DYM: variants seen among roughly 807,000 people sequenced by gnomAD.
DYM encodes the protein dyggve-Melchior-Clausen syndrome protein.
A neutral mutation model predicts 93.1 loss-of-function variants in DYM; 78 were observed. That is an observed-to-expected ratio of 0.84 (90% CI 0.70 to 1.01). The LOEUF is 1.01. Ranked by LOEUF, DYM falls within the 50% of genes least tolerant of loss-of-function variation. The probability of loss-of-function intolerance (pLI) is 0.00; values close to 1 mark genes in which losing one functional copy is unlikely to be tolerated. For synonymous variants in DYM, 321 were observed against 319.7 expected (o/e 1.00, Z -0.04); for missense variants, 789 against 845.0 (o/e 0.93, Z 0.82).
chr18:49,141,739 A>G (rs1397089430), intron 15 of DYM, among the ~76,000 whole-genome samples: 1 of 152,204 alleles, frequency 6.6e-6, no homozygotes, highest in Non-Finnish European at 1.5e-5. Flanking sequence ...TTTAATTGCT[A>G]AATGATGTTT....
At chr18:49,174,117 T>C (rs1283094877) in intron 14 of DYM, among the ~76,000 whole-genome samples, 1 of 152,182 alleles carries the variant, frequency 6.6e-6, no homozygotes, top group African/African-American at 2.4e-5. Context: ...GATGATCATA[T>C]AGTTTTCTTT....
At chr18:49,296,165 G>A (rs1358940886) in intron 8 of DYM, among the ~76,000 whole-genome samples, 1 of 152,168 alleles carries the variant, frequency 6.6e-6, no homozygotes, top group African/African-American at 2.4e-5. Flanking sequence ...CTGGCCTCAG[G>A]TGATCTGCCC....
intron 17 of DYM, among the ~76,000 whole-genome samples, chr18:49,090,492 A>C (rs1323535586): frequency 6.6e-6 from 1 of 152,258 alleles, no homozygotes; most frequent in Admixed American, 6.5e-5. Flanking sequence ...AGTAGCTATA[A>C]GCTAGAAGCA....
intron 17 of DYM, among the ~76,000 whole-genome samples, chr18:49,055,203 G>C (rs958621970): frequency 2.6e-5 from 4 of 152,128 alleles, no homozygotes; most frequent in African/African-American, 9.7e-5. Flanking sequence ...GACAGAGGCT[G>C]ACAGCACCCT....
At position 49,441,023 on chromosome 18, in the gene DYM, A is replaced by G. The variant is rs1362274651; in HGVS notation, c.-53-10576T>C. The stretch of plus-strand genomic sequence containing the variant: ...TATTTATATATTATATATTATATAT[A>G]TTTATATATAATATATAAATATATA... On this transcript the variant is annotated intron_variant, in intron 1 of 17. Coordinates refer to ENST00000675505, the MANE Select transcript of DYM (RefSeq NM_001353214.3). Among the ~76,000 whole-genome samples, 15 of 6,104 alleles carry G rather than the reference A, an allele frequency of 2.5e-3. 2 individuals are homozygous for G. The highest frequency in any genetic ancestry group is 6.7e-3 in the Admixed American group (2 of 300). 4.0% of individuals were successfully genotyped at this position (6,104 alleles called of 152,430 possible). A position where few individuals can be genotyped will look rare whatever the true frequency, so the allele number is the denominator to read the frequency against.
At chr18:49,274,690 T>C (rs1019731255) in intron 10 of DYM, among the ~76,000 whole-genome samples, 1 of 152,196 alleles carries the variant, frequency 6.6e-6, no homozygotes, top group African/African-American at 2.4e-5. Flanking sequence ...AGTAAAGTGG[T>C]ATTTCGCTGT....
intron 8 of DYM, among the ~76,000 whole-genome samples, chr18:49,305,294 A>G (rs565408707): frequency 4.5e-4 from 68 of 152,206 alleles, no homozygotes; most frequent in Non-Finnish European, 8.5e-4. Context: ...ATATAGCTGA[A>G]GAACAATATA....
intron 14 of DYM, among the ~76,000 whole-genome samples, chr18:49,177,276 G>C (rs1319040861): frequency 6.6e-6 from 1 of 152,008 alleles, no homozygotes; most frequent in African/African-American, 2.4e-5. Flanking sequence ...TCCTCTCAGG[G>C]GAAACCTACC....
chr18:49,294,462 T>A (rs1360555163), intron 8 of DYM, among the ~76,000 whole-genome samples: 1 of 152,216 alleles, frequency 6.6e-6, no homozygotes, highest in Admixed American at 6.5e-5. Context: ...GGAATGTTTT[T>A]CCATTTGTTC....
intron 14 of DYM, among the ~76,000 whole-genome samples, chr18:49,198,878 G>A (rs978291298): frequency 6.6e-6 from 1 of 151,660 alleles, no homozygotes; most frequent in East Asian, 1.9e-4. Context: ...CCATTACTGG[G>A]TATATACCCA....
At chr18:49,335,261 T>C (rs1431828744) in intron 6 of DYM, among the ~76,000 whole-genome samples, 1 of 152,112 alleles carries the variant, frequency 6.6e-6, no homozygotes, top group East Asian at 1.9e-4. Context: ...TGTAGAACAA[T>C]CTCTTTCCTG....
At position 49,194,379 on chromosome 18, in the gene DYM, C is replaced by T. The variant is rs530841135; in HGVS notation, c.1625+15172G>A. On this transcript the variant is annotated intron_variant, in intron 14 of 17. Transcript: ENST00000675505. The stretch of plus-strand genomic sequence containing the variant: ...TCGACATCAACTGAGACTAGAGTGC[C>T]TCCTTCACCAACGCAATCTACACCT... Among the ~76,000 whole-genome samples the T allele has an allele frequency of 4.0e-5, 6 of 150,204 alleles. No individual in the cohort carries two copies. In the East Asian group the frequency reaches 9.9e-4, roughly 25 times the overall value.
intron 16 of DYM, among the ~76,000 whole-genome samples, chr18:49,105,003 C>T (rs1336035148): frequency 2.6e-5 from 4 of 152,146 alleles, no homozygotes; most frequent in African/African-American, 9.7e-5. Context: ...CCTCTTTGTA[C>T]CTCTGGTAGA....
chr18:49,454,210 A>C (rs1230895378), intron 1 of DYM, among the ~76,000 whole-genome samples: 1 of 152,114 alleles, frequency 6.6e-6, no homozygotes, highest in Non-Finnish European at 1.5e-5. Context: ...TAGGGTTGCC[A>C]CTCCAGAGCA....
intron 8 of DYM, among the ~76,000 whole-genome samples, chr18:49,291,449 G>T (rs2060106587): frequency 6.6e-6 from 1 of 152,090 alleles, no homozygotes; most frequent in Non-Finnish European, 1.5e-5. Context: ...TTACTGAAAT[G>T]GTTTTACTAC....
intron 15 of DYM, among the ~76,000 whole-genome samples, chr18:49,138,735 G>A (rs1279550032): frequency 6.6e-6 from 1 of 152,170 alleles, no homozygotes; most frequent in Non-Finnish European, 1.5e-5. Context: ...TCCAGTAGGG[G>A]AGAACTGAAA....
At chr18:49,397,619 G>A (rs2070269495) in intron 2 of DYM, among the ~76,000 whole-genome samples, 1 of 152,174 alleles carries the variant, frequency 6.6e-6, no homozygotes. Flanking sequence ...CTGGTGAAGT[G>A]CACTTTTTAA....
At chr18:49,254,081 T>C (rs1027062980) in intron 13 of DYM, among the ~76,000 whole-genome samples, 1 of 152,074 alleles carries the variant, frequency 6.6e-6, no homozygotes, top group Non-Finnish European at 1.5e-5. Context: ...TAGTTGATGA[T>C]TGCTGTATCA....
intron 17 of DYM, among the ~76,000 whole-genome samples, chr18:49,060,797 G>T (rs1301094286): frequency 1.3e-5 from 2 of 151,542 alleles, no homozygotes; most frequent in Admixed American, 6.6e-5. Context: ...AGGAGGGAGA[G>T]AGAGAGAGAC....
Sources: gnomAD v4.1 joint callset for allele counts (sites outside exome capture counted in the v4.1 genomes callset) on GRCh38, gnomAD v4.1.1 for gene constraint, MANE v1.5 for transcripts, NCBI Gene and HGNC (gene_info 2026-07-23, HGNC 2026-07-21) for gene names.